NRG1: variants seen among roughly 807,000 people sequenced by gnomAD.
NRG1 encodes neuregulin 1, also known as pro-neuregulin-1, membrane-bound isoform.
Under a neutral mutation model 63.8 loss-of-function variants are expected in NRG1, and 18 were observed. The observed-to-expected ratio is 0.28, with a 90% CI of 0.19 to 0.42. NRG1 has a LOEUF of 0.42. Among genes scored for constraint, NRG1 ranks in the 10% least tolerant of loss-of-function variants. The pLI is 1.00. For missense variants in NRG1, 762 were observed against 814.7 expected (o/e 0.94, Z 0.79); for synonymous variants, 302 against 301.3 (o/e 1.00, Z -0.02).
chr8:32,525,748 C>G (rs1007818054), intron 1 of NRG1, among the ~76,000 whole-genome samples: 2 of 152,112 alleles, frequency 1.3e-5, no homozygotes, highest in Non-Finnish European at 2.9e-5. Flanking sequence ...CTCCTAGCTT[C>G]CTTGGTACTT....
intron 1 of NRG1, among the ~76,000 whole-genome samples, chr8:32,322,073 G>A (rs1271559008): frequency 1.3e-5 from 2 of 151,768 alleles, no homozygotes; most frequent in Non-Finnish European, 1.5e-5. Flanking sequence ...AGCTACTTGG[G>A]AACCTGAGAT....
chr8:31,648,794 T>A (rs1340701298), intron 1 of NRG1, among the ~76,000 whole-genome samples: 2 of 152,248 alleles, frequency 1.3e-5, no homozygotes, highest in Non-Finnish European at 2.9e-5. Context: ...TTTTGTTTAT[T>A]CATCCATCCA....
At chr8:32,600,325 GACACAC>G (rs5890665) in intron 2 of NRG1, among the ~76,000 whole-genome samples, 117 of 149,562 alleles carry the variant, frequency 7.8e-4, no homozygotes, top group Non-Finnish European at 1.4e-3. Context: ...AGCAGTGTTG[GACACAC>G]ACACACACAC....
chr8:32,729,612 A>G (rs1291442302), intron 6 of NRG1, among the ~76,000 whole-genome samples: 1 of 152,262 alleles, frequency 6.6e-6, no homozygotes, highest in Non-Finnish European at 1.5e-5. Flanking sequence ...AGCAATTAGC[A>G]AAATGAAAAA....
rs567445626 is a variant in NRG1 at position 32,691,599 on chromosome 8, A to C, written c.503-36350A>C. ...TCTATATACTAGTGAATGGATAAAG[A>C]TATTTATTGTGACACATTGAGCAAT... On this transcript the variant is annotated intron_variant, in intron 5 of 11. Coordinates refer to ENST00000356819, the Ensembl canonical transcript of NRG1. Among the ~76,000 whole-genome samples, 10 of 152,344 alleles carry C rather than the reference A, an allele frequency of 6.6e-5. No individual in the cohort carries two copies. The East Asian group carries it at 1.9e-3, about 29-fold the overall frequency.
intron 1 of NRG1, among the ~76,000 whole-genome samples, chr8:32,587,444 C>T (rs1417499153): frequency 6.6e-6 from 1 of 152,118 alleles, no homozygotes; most frequent in East Asian, 1.9e-4. Context: ...ATACGACTTA[C>T]TTGACAATTT....
intron 1 of NRG1, among the ~76,000 whole-genome samples, chr8:32,503,056 T>C (rs28572535): frequency 0.74 from 112,468 of 151,622 alleles, 41,978 homozygotes; most frequent in East Asian, 0.89. Flanking sequence ...GAGGCTGAGA[T>C]GGGCGGATCA....
intron 6 of NRG1, chr8:32,728,746 G>T: frequency 5.1e-6 from 4 of 777,696 alleles, no homozygotes; most frequent in Non-Finnish European, 6.2e-6. Context: ...CCAATGACCT[G>T]AAGGAGTTGA....
At chr8:32,628,185 C>A (rs143869213) in intron 5 of NRG1, among the ~76,000 whole-genome samples, 16 of 152,112 alleles carry the variant, frequency 1.1e-4, no homozygotes, top group African/African-American at 3.4e-4. Context: ...CCAGGAGGAA[C>A]CTGCCTTGTC....
At chr8:31,775,552 A>G (rs1164287121) in intron 1 of NRG1, among the ~76,000 whole-genome samples, 2 of 152,186 alleles carry the variant, frequency 1.3e-5, no homozygotes, top group African/African-American at 4.8e-5. Flanking sequence ...CAGTATATCA[A>G]TGGAACAAAA....
At chr8:32,571,582 T>C (rs902271004) in intron 1 of NRG1, among the ~76,000 whole-genome samples, 5 of 152,178 alleles carry the variant, frequency 3.3e-5, no homozygotes, top group Non-Finnish European at 4.4e-5. Context: ...CAGCAGAAGC[T>C]AGTTTTTTGT....
chr8:31,857,520 C>G (rs1287036630), intron 1 of NRG1, among the ~76,000 whole-genome samples: 1 of 152,142 alleles, frequency 6.6e-6, no homozygotes, highest in Non-Finnish European at 1.5e-5. Flanking sequence ...TCTGGCACTC[C>G]CTAGTGAGAT....
At chr8:32,613,879 T>C (rs1014011560) in intron 3 of NRG1, among the ~76,000 whole-genome samples, 1 of 152,100 alleles carries the variant, frequency 6.6e-6, no homozygotes, top group Non-Finnish European at 1.5e-5. Flanking sequence ...AAAGTTTGAA[T>C]AAGACTGTCA....
In NRG1 at chr8:32,211,875, T is replaced by C. The variant is rs186240739; in HGVS notation, c.38-383953T>C. On this transcript the variant is annotated intron_variant, in intron 1 of 10. Coordinates refer to the NRG1 transcript ENST00000519301. Reference sequence around the variant, plus strand: ...CCTCCTCCCATACTATCTCCAAGGATAGAAAAATACTGTTTTCTCCTAGAG... The same window carrying C: ...CCTCCTCCCATACTATCTCCAAGGACAGAAAAATACTGTTTTCTCCTAGAG... 1.3e-3 allele frequency among the ~76,000 whole-genome samples: 203 copies of C among 152,262 alleles called. 1 individual carries two copies. Among genetic ancestry groups the C allele is most frequent in the African/African-American group, 4.6e-3 (191 of 41,574 alleles).
chr8:31,936,276 C>A (rs1263711744), intron 1 of NRG1, among the ~76,000 whole-genome samples: 1 of 152,132 alleles, frequency 6.6e-6, no homozygotes, highest in African/African-American at 2.4e-5. Context: ...AAAACTCTTT[C>A]CTGGGCTAAA....
At chr8:31,989,665 G>A (rs1278845365) in intron 1 of NRG1, among the ~76,000 whole-genome samples, 1 of 152,122 alleles carries the variant, frequency 6.6e-6, no homozygotes, top group Non-Finnish European at 1.5e-5. Context: ...GCACTGGGAA[G>A]CGACAGTAAT....
intron 1 of NRG1, among the ~76,000 whole-genome samples, chr8:32,225,603 G>C (rs1410301602): frequency 1.3e-5 from 2 of 152,112 alleles, no homozygotes; most frequent in Non-Finnish European, 2.9e-5. Context: ...TGCTATATGT[G>C]ATATATGCAA....
At chr8:31,875,450 G>A (rs1160195651) in intron 1 of NRG1, among the ~76,000 whole-genome samples, 1 of 152,198 alleles carries the variant, frequency 6.6e-6, no homozygotes, top group Non-Finnish European at 1.5e-5. Context: ...GTAAGACCCA[G>A]ACTGTCAACT....
intron 1 of NRG1, among the ~76,000 whole-genome samples, chr8:32,436,938 A>ACC (rs1563462838): frequency 6.6e-6 from 1 of 151,940 alleles, no homozygotes; most frequent in Non-Finnish European, 1.5e-5. Context: ...TCTCTGATGC[A>ACC]CTATGCCATA....
Sources: gnomAD v4.1 joint callset for allele counts (sites outside exome capture counted in the v4.1 genomes callset) on GRCh38, gnomAD v4.1.1 for gene constraint, MANE v1.5 for transcripts, NCBI Gene and HGNC (gene_info 2026-07-23, HGNC 2026-07-21) for gene names.